The following LIPF variants were observed in gnomAD, a reference collection of about 807,000 sequenced individuals.
LIPF encodes the protein lipase F, gastric type, also known as gastric triacylglycerol lipase.
Under a neutral mutation model 38.0 loss-of-function variants are expected in LIPF, and 25 were observed. The ratio of observed to expected loss-of-function variants is 0.66; its 90% CI spans 0.48 to 0.92. LIPF has a LOEUF of 0.92. LIPF is among the 40% of genes least tolerant of loss of function. LIPF has a pLI of 0.00. For missense variants in LIPF, 410 were observed against 469.9 expected, an observed-to-expected ratio of 0.87 and a Z score of 1.18; for synonymous variants, 161 against 156.2, an observed-to-expected ratio of 1.03 and a Z score of -0.23.
At position 88,672,670 on chromosome 10, in the gene LIPF, A is replaced by ACACACACTCTCT. The variant is rs869259093; in HGVS notation, c.669+706_669+707insACACACTCTCTC. Among the ~76,000 whole-genome samples, 99 of 110,540 alleles carry ACACACACTCTCT rather than the reference A, an allele frequency of 9.0e-4. 1 individual carries two copies. Among genetic ancestry groups the ACACACACTCTCT allele is most frequent in the African/African-American group, 3.1e-3 (90 of 29,416 alleles). The allele number at this position is 110,540 out of a possible 152,430, so 72.5% of individuals were successfully genotyped here. On this transcript the variant is annotated intron_variant, in intron 6 of 9. Coordinates refer to ENST00000238983, the MANE Select transcript of LIPF (RefSeq NM_004190.4). ...CACACACACACACACACACACACAC[A>ACACACACTCTCT]CTCTCTCTCTCTCTCTCTCTCTTTC...
intron 2 of LIPF, 27 bp from the exon 3 acceptor site, chr10:88,667,542 T>C (rs369096676): frequency 7.6e-7 from 1 of 1,307,632 alleles, no homozygotes; most frequent in East Asian, 2.3e-5. Flanking sequence ...TCAACTAAAA[T>C]TTAAACTTTT....
chr10:88,668,762 C>A lies in LIPF; in HGVS notation c.422+6C>A, dbSNP rs1171897729. On this transcript the variant is annotated splice_donor_region_variant and intron_variant, in intron 4 of 9. Transcript: ENST00000238983. ...GTTGAATTCTGGGCTTTCAGGTAAA[C>A]AAAAGGGACAATTAAAAATAAACAC... 1 of 1,610,516 alleles carries A rather than the reference C, an allele frequency of 6.2e-7. No individual in the cohort carries two copies. The highest frequency in any genetic ancestry group is 8.5e-7 in the Non-Finnish European group (1 of 1,177,192).
intron 9 of LIPF, among the ~76,000 whole-genome samples, chr10:88,676,841 G>T (rs1254586312): frequency 8.5e-5 from 13 of 152,178 alleles, no homozygotes; most frequent in Admixed American, 8.5e-4. Flanking sequence ...CCAGACTTTG[G>T]AGCTTATCTT....
At chr10:88,667,846 T>G (rs1031407590) in intron 3 of LIPF, among the ~76,000 whole-genome samples, 160 bp downstream of exon 3, 1 of 152,202 alleles carries the variant, frequency 6.6e-6, no homozygotes, top group Non-Finnish European at 1.5e-5. Context: ...TTGCTCATTC[T>G]GGAAATGCAA....
chr10:88,673,170 G>A (rs907546991), intron 6 of LIPF, among the ~76,000 whole-genome samples: 2 of 152,084 alleles, frequency 1.3e-5, no homozygotes, highest in African/African-American at 4.8e-5. Flanking sequence ...CTCTGTAAAG[G>A]CTTTGCTGAA....
chr10:88,674,982 A>G (rs1189532563), intron 7 of LIPF, among the ~76,000 whole-genome samples: 2 of 152,192 alleles, frequency 1.3e-5, no homozygotes, highest in Non-Finnish European at 2.9e-5. Flanking sequence ...ATAGTAAAAT[A>G]AGACAAAGGA....
intron 7 of LIPF, 141 bp from the exon 8 acceptor site, chr10:88,675,445 C>G: frequency 3.1e-6 from 2 of 638,526 alleles, no homozygotes; most frequent in Non-Finnish European, 5.4e-6. Flanking sequence ...AAGTGACATA[C>G]AAATGTGTTG....
At chr10:88,673,485 T>C (rs1304287795) in intron 6 of LIPF, 103 bp from the exon 7 acceptor site, 1 of 863,102 alleles carries the variant, frequency 1.2e-6, no homozygotes, top group Non-Finnish European at 1.8e-6. Context: ...AATAAGAATA[T>C]ATCATCATCC....
At chr10:88,665,676 T>C (rs1478914083) in intron 1 of LIPF, 4 of 695,694 alleles carry the variant, frequency 5.7e-6, no homozygotes, top group Non-Finnish European at 1.0e-5. Flanking sequence ...GGTTAGTCTT[T>C]ATATATTAGT....
At chr10:88,668,229 AT>A (rs2134635310) in intron 3 of LIPF, among the ~76,000 whole-genome samples, 1 of 152,258 alleles carries the variant, frequency 6.6e-6, no homozygotes, top group South Asian at 2.1e-4. Context: ...AAAAAAAAAG[AT>A]TACTCGTAAT....
intron 1 of LIPF, among the ~76,000 whole-genome samples, chr10:88,666,183 A>T (rs967335461): frequency 6.6e-6 from 1 of 152,206 alleles, no homozygotes; most frequent in African/African-American, 2.4e-5. Flanking sequence ...GCTCTGCATG[A>T]ATTACTATAA....
intron 1 of LIPF, among the ~76,000 whole-genome samples, chr10:88,666,737 C>G (rs928282469): frequency 6.6e-6 from 1 of 152,152 alleles, no homozygotes; most frequent in Non-Finnish European, 1.5e-5. Flanking sequence ...GTAGTCCCAG[C>G]TACCCTGGAA....
chr10:88,674,230 G>A (rs1841649370), intron 7 of LIPF, among the ~76,000 whole-genome samples: 2 of 151,872 alleles, frequency 1.3e-5, no homozygotes, highest in African/African-American at 2.4e-5. Flanking sequence ...GTGCAGTGGC[G>A]CAATCTCGGC....
In LIPF at chr10:88,673,580, T is replaced by C. The variant is rs1481332318; in HGVS notation, c.670-8T>C. ...CTACAACCCTCTAATAGTGCCTTTA[T>C]TTTTCAGTTTATATTTGGTGACAAA... On this transcript the variant is annotated splice_region_variant and splice_polypyrimidine_tract_variant and intron_variant, in intron 6 of 9. Transcript: ENST00000238983. 3 of 1,604,100 alleles carry C rather than the reference T, an allele frequency of 1.9e-6. No individual in the cohort carries two copies. The East Asian group carries it at 6.7e-5, about 36-fold the overall frequency.
At chr10:88,677,818 G>A (rs778880466) in intron 9 of LIPF, among the ~76,000 whole-genome samples, 7 of 152,104 alleles carry the variant, frequency 4.6e-5, no homozygotes, top group Admixed American at 2.6e-4. Context: ...TGTGATTTTC[G>A]AGAAACAGGA....
chr10:88,672,666 ACACACTCTCT>A (rs1432991606), intron 6 of LIPF, among the ~76,000 whole-genome samples: 132 of 121,922 alleles, frequency 1.1e-3, no homozygotes, highest in African/African-American at 3.0e-3. Flanking sequence ...ACACACACAC[ACACACTCTCT>A]CTCTCTCTCT....
intron 1 of LIPF, chr10:88,665,691 C>A: frequency 1.7e-6 from 1 of 598,496 alleles, no homozygotes; most frequent in East Asian, 3.0e-5. Context: ...ATTAGTTTAT[C>A]TCTTCCTAAA....
intron 1 of LIPF, chr10:88,665,544 T>TTCTCCAA (rs1352117490): frequency 7.8e-6 from 12 of 1,535,440 alleles, no homozygotes; most frequent in Non-Finnish European, 1.0e-5. Context: ...CATTGAGATG[T>TTCTCCAA]TCTCCAACGC....
chr10:88,668,657 A>T lies in LIPF; in HGVS notation c.323A>T (p.Asp108Val). ...AACAGCCTTGCCTTCATTCTGGCAG[A>T]TGCTGGTTATGATGTGTGGCTGGGC... The part of the protein sequence containing the change: ...PNNSLAFILA[D>V]AGYDVWLGNS... The change falls in exon 4 of 10, where the codon GAT becomes GTT. Residue 108 changes from aspartate to valine, a missense_variant. Transcript: ENST00000238983. 4 of 1,614,204 alleles carry T rather than the reference A, an allele frequency of 2.5e-6. No individual in the cohort carries two copies. The highest frequency in any genetic ancestry group is 3.4e-6 in the Non-Finnish European group (4 of 1,180,022).
Sources: allele counts gnomAD v4.1 joint callset (sites outside exome capture counted in the v4.1 genomes callset), GRCh38; gene constraint gnomAD v4.1.1; transcripts MANE v1.5; gene names NCBI Gene and HGNC (gene_info 2026-07-23, HGNC 2026-07-21).